The following UPF2 variants were observed in gnomAD, a reference collection of about 807,000 sequenced individuals.
UPF2 encodes the protein regulator of nonsense transcripts 2.
Under a neutral mutation model 141.4 loss-of-function variants are expected in UPF2, and 17 were observed. The ratio of observed to expected loss-of-function variants is 0.12; its 90% confidence interval spans 0.08 to 0.18. The LOEUF is 0.18. UPF2 is among the 10% of genes least tolerant of loss of function. The pLI, the probability that UPF2 is intolerant of heterozygous loss-of-function variation, is 1.00. For missense variants in UPF2, 1,152 were observed against 1,515.9 expected, an observed-to-expected ratio of 0.76 and a Z score of 3.99; for synonymous variants, 540 against 498.0, an observed-to-expected ratio of 1.08 and a Z score of -1.12.
chr10:11,982,831 G>A (rs1044865200), intron 8 of UPF2, among the ~76,000 whole-genome samples: 5 of 152,090 alleles, frequency 3.3e-5, no homozygotes, highest in African/African-American at 1.2e-4. Flanking sequence ...TGTTGGTCAG[G>A]CTGGTCTTGA....
chr10:11,963,949 C>G (rs1833278847), intron 11 of UPF2, 60 bp downstream of exon 11: 3 of 1,229,302 alleles, frequency 2.4e-6, no homozygotes, highest in Non-Finnish European at 3.5e-6. Flanking sequence ...ATATTTTCAA[C>G]CTCTGAAGCA....
At chr10:12,001,920 T>A in intron 5 of UPF2, 95 bp from the exon 6 acceptor site, 6 of 1,160,516 alleles carry the variant, frequency 5.2e-6, no homozygotes, top group Non-Finnish European at 7.0e-6. Context: ...TGCAGGTTCT[T>A]TTAGAAGCTG....
intron 8 of UPF2, among the ~76,000 whole-genome samples, chr10:11,986,319 G>T (rs1833691660): frequency 6.6e-6 from 1 of 152,046 alleles, no homozygotes; most frequent in South Asian, 2.1e-4. Flanking sequence ...ATGTTTTTAA[G>T]GTCTCCTGAA....
At chr10:11,995,942 C>A (rs1396840983) in intron 8 of UPF2, among the ~76,000 whole-genome samples, 1 of 152,176 alleles carries the variant, frequency 6.6e-6, no homozygotes, top group Non-Finnish European at 1.5e-5. Context: ...TTAAATGACC[C>A]TTGTTCCAGG....
Position 11,979,178 on chromosome 10 carries a change from TATGTG to T in UPF2, c.1845-18_1845-14del. 6.3e-7 allele frequency: 1 copy of T among 1,583,336 alleles called. No homozygotes were observed. The highest frequency in any genetic ancestry group is 8.7e-7 in the Non-Finnish European group (1 of 1,155,070). ...TAGCAAATCCAACCTGCAAAAGTTA[TATGTG>T]ATATGTGTCAAAGGAAAGACATATC... On this transcript the variant is annotated splice_polypyrimidine_tract_variant and intron_variant, in intron 8 of 21. Transcript: ENST00000357604. The surrounding 1 kb of genome is among the most constrained non-coding windows in gnomAD (Gnocchi z 6.2).
chr10:11,996,118 CT>C (rs1330779247), intron 8 of UPF2, among the ~76,000 whole-genome samples: 2 of 152,150 alleles, frequency 1.3e-5, no homozygotes, highest in African/African-American at 2.4e-5. Flanking sequence ...TTGTTCACCC[CT>C]GTACTGTATC....
intron 2 of UPF2, 79 bp downstream of exon 2, chr10:12,034,980 A>G: frequency 6.7e-7 from 1 of 1,502,674 alleles, no homozygotes; most frequent in Non-Finnish European, 8.8e-7. Context: ...AGGACGCTAT[A>G]TTTCAAATAA....
At chr10:11,957,550 C>T (rs1263878780) in intron 12 of UPF2, among the ~76,000 whole-genome samples, 1 of 152,050 alleles carries the variant, frequency 6.6e-6, no homozygotes, top group Non-Finnish European at 1.5e-5. Flanking sequence ...GAGTCTCGCT[C>T]TGTCATCCAG....
chr10:12,028,849 C>T lies in UPF2; in HGVS notation c.1041G>A (p.Glu347=). Residue 347 remains glutamate (E), a synonymous_variant, in exon 3 of 22, where the codon GAG becomes GAA. Coordinates refer to ENST00000357604, the MANE Select transcript of UPF2 (RefSeq NM_015542.4). Reference sequence around the variant, plus strand: ...AAAGATTCTGGAAGGGCTGTTGTTTCTCTGGACTAATTATCTCACTAGGAG... The same window carrying T: ...AAAGATTCTGGAAGGGCTGTTGTTTTTCTGGACTAATTATCTCACTAGGAG... The part of the protein sequence containing the change: ...SFPPSEIISP[E]KQQPFQNLLK... The T allele has an allele frequency of 6.2e-7, 1 of 1,614,144 alleles. No individual in the cohort carries two copies. Among genetic ancestry groups the T allele is most frequent in the South Asian group, 1.1e-5 (1 of 91,078 alleles).
rs1040730856 is a variant in UPF2, at chr10:11,940,677, T to C, written c.3378+1988A>G. Among the ~76,000 whole-genome samples the C allele has an allele frequency of 6.6e-6, 1 of 152,124 alleles. No individual in the cohort carries two copies. Among genetic ancestry groups the C allele is most frequent in the Non-Finnish European group, 1.5e-5 (1 of 68,010 alleles). On this transcript the variant is annotated intron_variant, in intron 18 of 21. Transcript: ENST00000357604. The surrounding 1 kb of genome is among the most constrained non-coding windows in gnomAD (Gnocchi z 4.2). ...AAGCCAGGTCGTTCTACCTCCGAAA[T>C]AGCTCAAATCCAGACTTCTCTCCAT...
rs541233909 is a variant in UPF2 at position 11,956,146 on chromosome 10, CAA to C, written c.2574+172_2574+173del. 2.5e-4 allele frequency among the ~76,000 whole-genome samples: 21 copies of C among 85,578 alleles called. No homozygotes were observed. Among genetic ancestry groups the C allele is most frequent in the Admixed American group, 4.0e-4 (3 of 7,500 alleles). 56.1% of individuals were successfully genotyped at this position (85,578 alleles called of 152,430 possible). Reference sequence around the variant, plus strand: ...TGGGTGACACAGCGAGACTCAGTCTCAAAAAAAAAAAAAAAAGAGGAAAGTGT... The same window carrying C: ...TGGGTGACACAGCGAGACTCAGTCTCAAAAAAAAAAAAAAGAGGAAAGTGT... On this transcript the variant is annotated intron_variant, in intron 13 of 21. Transcript: ENST00000357604. The surrounding 1 kb of genome is among the most constrained non-coding windows in gnomAD (Gnocchi z 4.2).
intron 3 of UPF2, among the ~76,000 whole-genome samples, chr10:12,021,946 C>A (rs1365673492): frequency 6.6e-6 from 1 of 152,092 alleles, no homozygotes; most frequent in African/African-American, 2.4e-5. Context: ...AGGAAACCAG[C>A]CTGGCCAACA....
intron 18 of UPF2, among the ~76,000 whole-genome samples, chr10:11,941,757 C>T (rs1832939208): frequency 6.6e-6 from 1 of 152,098 alleles, no homozygotes; most frequent in African/African-American, 2.4e-5. Context: ...GTCACGTCAC[C>T]AAAGGGTTAA....
chr10:11,938,842 G>GTTTTTTTTTTTTTTTTTTTT lies in UPF2; in HGVS notation c.3379-2131_3379-2130insAAAAAAAAAAAAAAAAAAAA, dbSNP rs1204744093. On this transcript the variant is annotated intron_variant, in intron 18 of 21. Transcript: ENST00000357604. ...GTCCTAGCCATGTGGTCTTAAGCAA[G>GTTTTTTTTTTTTTTTTTTTT]TTTTTTTTTTGTTTTTTTTTTTTTT... 2.0e-4 allele frequency among the ~76,000 whole-genome samples: 9 copies of GTTTTTTTTTTTTTTTTTTTT among 45,866 alleles called. 1 individual carries two copies. Among genetic ancestry groups the GTTTTTTTTTTTTTTTTTTTT allele is most frequent in the African/African-American group, 4.2e-4 (6 of 14,236 alleles). The allele number at this position is 45,866 out of a possible 152,430, so 30.1% of individuals were successfully genotyped here.
chr10:11,951,854 T>C (rs1833079285), intron 15 of UPF2, among the ~76,000 whole-genome samples: 1 of 152,224 alleles, frequency 6.6e-6, no homozygotes, highest in Non-Finnish European at 1.5e-5. Context: ...AGTCCTGTCC[T>C]GCAAGTCCTG....
rs1326721982 is a variant in UPF2 at position 11,953,733 on chromosome 10, A to G, written c.2851-1484T>C. On this transcript the variant is annotated intron_variant, in intron 14 of 21. Coordinates refer to ENST00000357604, the MANE Select transcript of UPF2 (RefSeq NM_015542.4). The surrounding 1 kb of genome is among the most constrained non-coding windows in gnomAD (Gnocchi z 5.0). ...AAGATGGTCCTTACATACAACAGGG[A>G]CTGCAACCCTCAAATCTGCAAGTCC... 6.6e-6 allele frequency among the ~76,000 whole-genome samples: 1 copy of G among 152,160 alleles called. No individual in the cohort carries two copies. The highest frequency in any genetic ancestry group is 1.9e-4 in the East Asian group (1 of 5,200).
intron 8 of UPF2, among the ~76,000 whole-genome samples, chr10:11,990,255 C>A (rs1055469398): frequency 1.3e-5 from 2 of 152,140 alleles, no homozygotes; most frequent in Non-Finnish European, 2.9e-5. Flanking sequence ...ACCACTTATC[C>A]TCAAGTTCTA....
intron 1 of UPF2, among the ~76,000 whole-genome samples, chr10:12,041,964 G>A (rs767961342): frequency 3.9e-5 from 6 of 152,124 alleles, no homozygotes; most frequent in African/African-American, 1.4e-4. Context: ...CTGCCAACCT[G>A]GGGACCAAAT....
intron 19 of UPF2, among the ~76,000 whole-genome samples, chr10:11,934,514 C>T (rs970905720): frequency 1.3e-5 from 2 of 152,190 alleles, no homozygotes; most frequent in Admixed American, 1.3e-4. Flanking sequence ...ATGCTCTGAT[C>T]CTGTCAAAGT....
Sources: gnomAD v4.1 joint callset for allele counts (sites outside exome capture counted in the v4.1 genomes callset) on GRCh38, gnomAD v4.1.1 for gene constraint, Gnocchi (gnomAD v3.1) non-coding constraint, MANE v1.5 for transcripts, NCBI Gene and HGNC (gene_info 2026-07-23, HGNC 2026-07-21) for gene names.